The following ZNF517 variants were observed in gnomAD, a reference collection of about 807,000 sequenced individuals.
ZNF517 encodes zinc finger protein 517.
In ZNF517, 12 loss-of-function variants were observed where a neutral mutation model predicts 12.1. The ratio of observed to expected loss-of-function variants is 0.99; its 90% CI spans 0.63 to 1.61. ZNF517 has a LOEUF of 1.61. Among genes scored for constraint, ZNF517 ranks in the 40% most tolerant of loss-of-function variants. The probability of loss-of-function intolerance (pLI) is 0.00; values close to 1 mark genes in which losing one functional copy is unlikely to be tolerated. For synonymous variants in ZNF517, 388 were observed against 310.2 expected, an observed-to-expected ratio of 1.25 and a Z score of -2.63; for missense variants, 781 against 693.2, an observed-to-expected ratio of 1.13 and a Z score of -1.42.
At position 144,809,175 on chromosome 8, in the gene ZNF517, C is replaced by CTCTATCTATCTATCTATCTATCTA. The variant is rs112936151; in HGVS notation, c.*784_*807dup. 2.1e-4 allele frequency: 31 copies of CTCTATCTATCTATCTATCTATCTA among 150,706 alleles called. No individual in the cohort carries two copies. The highest frequency in any genetic ancestry group is 7.3e-4 in the African/African-American group (30 of 40,822). 9.3% of individuals were successfully genotyped at this position (150,706 alleles called of 1,614,324 possible). A position where few individuals can be genotyped will look rare whatever the true frequency, so the allele number is the denominator to read the frequency against. Reference sequence around the variant, plus strand: ...AAAAAAGCCTAGATGGCTGGTGGAGCTCTATCTATCTATCTATCTATCTAT... The same window carrying CTCTATCTATCTATCTATCTATCTA: ...AAAAAAGCCTAGATGGCTGGTGGAGCTCTATCTATCTATCTATCTATCTATCTATCTATCTATCTATCTATCTAT... On this transcript the variant is annotated 3_prime_UTR_variant, in exon 5 of 5. Coordinates refer to ENST00000359971, the MANE Select transcript of ZNF517 (RefSeq NM_213605.3).
downstream of ZNF517, among the ~76,000 whole-genome samples, chr8:144,812,680 C>G (rs1040981385): frequency 3.9e-5 from 6 of 152,222 alleles, no homozygotes; most frequent in African/African-American, 1.4e-4. Context: ...ATGGATCTCT[C>G]TACCATGCCC....
At position 144,810,060 on chromosome 8, in the gene ZNF517, T is replaced by TA; in HGVS notation, c.*1670dup. 5.8e-6 allele frequency: 3 copies of TA among 518,020 alleles called. No individual in the cohort carries two copies. Among genetic ancestry groups the TA allele is most frequent in the South Asian group, 2.6e-5 (1 of 37,738 alleles). 32.1% of individuals were successfully genotyped at this position (518,020 alleles called of 1,614,324 possible). On this transcript the variant is annotated 3_prime_UTR_variant, in exon 5 of 5. Coordinates refer to ENST00000359971, the MANE Select transcript of ZNF517 (RefSeq NM_213605.3). ...AGGGCAAGACTCTGTCTCAAACAAA[T>TA]AAAAATCCCCTCTCCTAAACTCCAT...
chr8:144,807,439 G>T lies in ZNF517; in HGVS notation c.523G>T (p.Ala175Ser). The part of the protein sequence containing the change: ...EDLGRPVGSS[A>S]PRYRCVCGKA... Reference sequence around the variant, plus strand: ...CCTGGGCCGGCCTGTGGGGAGCTCAGCCCCCCGCTACAGGTGCGTGTGCGG... The same window carrying T: ...CCTGGGCCGGCCTGTGGGGAGCTCATCCCCCCGCTACAGGTGCGTGTGCGG... Residue 175 changes from alanine to serine, a missense_variant, in exon 5 of 5, where the codon GCC becomes TCC. Transcript: ENST00000359971. 6.4e-7 allele frequency: 1 copy of T among 1,572,446 alleles called. No homozygotes were observed. Among genetic ancestry groups the T allele is most frequent in the South Asian group, 1.2e-5 (1 of 86,414 alleles).
intron 1 of ZNF517, among the ~76,000 whole-genome samples, chr8:144,800,968 T>A (rs1826930407): frequency 6.6e-6 from 1 of 152,122 alleles, no homozygotes; most frequent in African/African-American, 2.4e-5. Flanking sequence ...TAGCTGGGAT[T>A]ACAGGTGCGT....
chr8:144,800,496 G>A (rs543261434), intron 1 of ZNF517: 4 of 985,294 alleles, frequency 4.1e-6, no homozygotes, highest in South Asian at 9.4e-5. Flanking sequence ...GTGGAGGGTG[G>A]TATGTGTTGA....
rs1490984328 is a variant in ZNF517, at chr8:144,807,674, G to A, written c.758G>A (p.Arg253His). ...AGCACGCAGCTGGCTGCCCACCACC[G>A]CGTCCACACCCGCGAGCGGCCCTAC... ...RQSTQLAAHH[R>H]VHTRERPYAC... The change falls in exon 5 of 5, where the codon CGC (arginine) becomes CAC (histidine). Residue 253 changes from arginine to histidine, a missense_variant. By Grantham distance (29) the Arg-to-His change is conservative. Coordinates refer to ENST00000359971, the MANE Select transcript of ZNF517 (RefSeq NM_213605.3). The A allele has an allele frequency of 3.1e-6, 5 of 1,608,014 alleles. No homozygotes were observed. In the East Asian group the frequency reaches 6.7e-5, roughly 22 times the overall value.
In ZNF517 at chr8:144,807,777, G is replaced by C. The variant is rs760836241; in HGVS notation, c.861G>C (p.Lys287Asn). ...ACCAGAAGTTCCACACCGGGGAGAA[G>C]CCCTTCGCGTGCACAGAGTGCGGCA... Reference protein sequence around the residue: ...LQHQKFHTGEKPFACTECGKA... With the variant: ...LQHQKFHTGENPFACTECGKA... Residue 287 changes from lysine to asparagine, a missense_variant, in exon 5 of 5, where the codon AAG becomes AAC. Coordinates refer to ENST00000359971, the MANE Select transcript of ZNF517 (RefSeq NM_213605.3). 4 of 1,612,086 alleles carry C rather than the reference G, an allele frequency of 2.5e-6. No individual in the cohort carries two copies. In the South Asian group the frequency reaches 4.4e-5, roughly 18 times the overall value.
chr8:144,800,495 G>A lies in ZNF517; in HGVS notation c.-46+1558G>A, dbSNP rs531639310. On this transcript the variant is annotated intron_variant, in intron 1 of 4. Coordinates refer to ENST00000359971, the MANE Select transcript of ZNF517 (RefSeq NM_213605.3). ...TGCAGTTCTTACCAGAGTGGAGGGTGGTATGTGTTGAGGGGTCGGGGATCA... is the reference window on the plus strand; with the variant it reads ...TGCAGTTCTTACCAGAGTGGAGGGTAGTATGTGTTGAGGGGTCGGGGATCA... The A allele has an allele frequency of 6.2e-4, 612 of 985,264 alleles. 3 individuals carry two copies. The highest frequency in any genetic ancestry group is 5.2e-3 in the Middle Eastern group (10 of 1,914). The allele number at this position is 985,264 out of a possible 1,614,324, so 61.0% of individuals were successfully genotyped here. A position where few individuals can be genotyped will look rare whatever the true frequency, so the allele number is the denominator to read the frequency against.
In ZNF517 at chr8:144,807,368, C is replaced by A; in HGVS notation, c.452C>A (p.Pro151His). ...GACGGGTCAGATAAACCCACCCACC[C>A]CCGGGCTCGGGAGCACAGCGCCTCC... ...PEDGSDKPTHPRAREHSASPR... is the reference protein window; with the variant it reads ...PEDGSDKPTHHRAREHSASPR... Residue 151 changes from proline (P) to histidine (H), a missense_variant, in exon 5 of 5, where the codon CCC becomes CAC. Transcript: ENST00000359971. The A allele has an allele frequency of 6.4e-7, 1 of 1,555,382 alleles. No homozygotes were observed.
downstream of ZNF517, chr8:144,810,205 G>T (rs1373941108): frequency 2.9e-6 from 2 of 697,540 alleles, no homozygotes; most frequent in Non-Finnish European, 5.2e-6. Context: ...GTAGCCGGTG[G>T]GGGTGCTGCA....
intron 4 of ZNF517, among the ~76,000 whole-genome samples, chr8:144,805,391 C>T (rs1174277718): frequency 6.6e-6 from 1 of 152,146 alleles, no homozygotes; most frequent in African/African-American, 2.4e-5. Flanking sequence ...AGAGCAGTGG[C>T]GCGATCTCAG....
rs948152307 is a variant in ZNF517 at position 144,808,720 on chromosome 8, G to T, written c.*325G>T. The stretch of plus-strand genomic sequence containing the variant: ...GCAGGGCACAGGGGGCGCCACAGAC[G>T]CATATGCAGCTGAGCTCCCCACAGG... On this transcript the variant is annotated 3_prime_UTR_variant, in exon 5 of 5. Coordinates refer to ENST00000359971, the MANE Select transcript of ZNF517 (RefSeq NM_213605.3). 3 of 242,640 alleles carry T rather than the reference G, an allele frequency of 1.2e-5. No individual in the cohort carries two copies. Among genetic ancestry groups the T allele is most frequent in the Non-Finnish European group, 2.3e-5 (3 of 127,776 alleles). 15.0% of individuals were successfully genotyped at this position (242,640 alleles called of 1,614,324 possible).
chr8:144,810,329 A>C, downstream of ZNF517: 1 of 551,806 alleles, frequency 1.8e-6, no homozygotes, highest in Non-Finnish European at 3.3e-6. Flanking sequence ...GGGTGGGAAC[A>C]TGCAGACCTG....
chr8:144,803,389 G>A (rs963181968), intron 2 of ZNF517: 20 of 532,766 alleles, frequency 3.8e-5, no homozygotes, highest in Non-Finnish European at 6.0e-5. Context: ...CGAGGCCAAG[G>A]TTGGGACCCC....
In ZNF517 at chr8:144,808,021, G is replaced by A. The variant is rs748467853; in HGVS notation, c.1105G>A (p.Glu369Lys). 1 of 1,588,464 alleles carries A rather than the reference G, an allele frequency of 6.3e-7. No homozygotes were observed. Among genetic ancestry groups the A allele is most frequent in the South Asian group, 1.1e-5 (1 of 88,140 alleles). ...QRPQAGDPPH[E>K]CPVCGRPFRH... ...GCCCCAGGCGGGGGACCCGCCCCAC[G>A]AGTGCCCGGTGTGCGGGAGGCCGTT... Residue 369 changes from glutamate (E) to lysine (K), a missense_variant, in exon 5 of 5, where the codon GAG becomes AAG. Glu to Lys is a moderately conservative substitution (Grantham distance 56, BLOSUM62 1). Transcript: ENST00000359971.
Position 144,808,087 on chromosome 8 carries a change from A to T in ZNF517, c.1171A>T (p.Thr391Ser). ...SLLLLHLRLH[T>S]GEKPFECAEC... ...GCTGCTGCTGCACCTGCGCCTACAC[A>T]CGGGCGAGAAGCCGTTCGAGTGCGC... The change falls in exon 5 of 5, where the codon ACG becomes TCG. Residue 391 changes from threonine to serine, a missense_variant. Physicochemically the swap from Thr to Ser is moderately conservative, Grantham distance 58. Transcript: ENST00000359971. 1 of 1,611,256 alleles carries T rather than the reference A, an allele frequency of 6.2e-7. No homozygotes were observed. Among genetic ancestry groups the T allele is most frequent in the Non-Finnish European group, 8.5e-7 (1 of 1,179,202 alleles).
rs963368812 is a variant in ZNF517, at chr8:144,798,949, G to C, written c.-46+12G>C. 3 of 152,052 alleles carry C rather than the reference G, an allele frequency of 2.0e-5. No individual in the cohort carries two copies. Among genetic ancestry groups the C allele is most frequent in the Non-Finnish European group, 4.4e-5 (3 of 67,994 alleles). 9.4% of individuals were successfully genotyped at this position (152,052 alleles called of 1,614,324 possible). A position where few individuals can be genotyped will look rare whatever the true frequency, so the allele number is the denominator to read the frequency against. ...CTCGGCGGCCCAGGGTGAGTCGGCC[G>C]CGGCCGCGGGGCGGGGACTGGGAGG... On this transcript the variant is annotated intron_variant, in intron 1 of 4. Transcript: ENST00000359971.
downstream of ZNF517, among the ~76,000 whole-genome samples, chr8:144,813,132 C>G (rs753538321): frequency 6.6e-6 from 1 of 151,748 alleles, no homozygotes; most frequent in Non-Finnish European, 1.5e-5. Context: ...CTGGCTAATA[C>G]AGTGAAACCC....
intron 4 of ZNF517, 99 bp from the exon 5 acceptor site, chr8:144,807,089 TGGG>T: frequency 1.4e-6 from 2 of 1,434,150 alleles, no homozygotes; most frequent in Non-Finnish European, 1.9e-6. Flanking sequence ...AGCTGGGTGT[TGGG>T]GGAAGACTTG....
Sources: gnomAD v4.1 joint callset for allele counts (sites outside exome capture counted in the v4.1 genomes callset) on GRCh38, gnomAD v4.1.1 for gene constraint, MANE v1.5 for transcripts, NCBI Gene and HGNC (gene_info 2026-07-23, HGNC 2026-07-21) for gene names.